KIF3A: variants seen among roughly 807,000 people sequenced by gnomAD.
The protein encoded by KIF3A is kinesin-like protein KIF3A.
In KIF3A, 27 loss-of-function variants were observed where a neutral mutation model predicts 92.6. The observed-to-expected ratio is 0.29, with a 90% CI of 0.21 to 0.40. KIF3A has a LOEUF of 0.40. KIF3A is among the 10% of genes least tolerant of loss of function. The probability of loss-of-function intolerance (pLI) is 1.00; values close to 1 mark genes in which losing one functional copy is unlikely to be tolerated. For synonymous variants in KIF3A, 250 were observed against 275.4 expected, an observed-to-expected ratio of 0.91 and a Z score of 0.92; for missense variants, 581 against 872.6, an observed-to-expected ratio of 0.67 and a Z score of 4.21.
chr5:132,703,153 C>A, intron 12 of KIF3A, 88 bp from the exon 13 acceptor site: 1 of 1,130,418 alleles, frequency 8.8e-7, no homozygotes, highest in Non-Finnish European at 1.3e-6. Flanking sequence ...TTTGGATATA[C>A]AATTTCAAAA....
chr5:132,708,640 C>T (rs1753308775), intron 10 of KIF3A, among the ~76,000 whole-genome samples: 1 of 152,322 alleles, frequency 6.6e-6, no homozygotes, highest in South Asian at 2.1e-4. Flanking sequence ...ATACAGCTTA[C>T]TAGCTCTCTT....
At chr5:132,727,635 G>A (rs1000674505) in intron 2 of KIF3A, among the ~76,000 whole-genome samples, 12 of 152,176 alleles carry the variant, frequency 7.9e-5, no homozygotes, top group Admixed American at 7.9e-4. Flanking sequence ...GTATAATAAG[G>A]ACGGTATTAA....
intron 11 of KIF3A, among the ~76,000 whole-genome samples, chr5:132,704,056 T>A (rs1403734417): frequency 6.6e-6 from 1 of 151,876 alleles, no homozygotes; most frequent in Non-Finnish European, 1.5e-5. Flanking sequence ...CAAGTTCACA[T>A]AAAACAAGTG....
At position 132,696,695 on chromosome 5, in the gene KIF3A, G is replaced by GA. The variant is rs1405894749; in HGVS notation, c.2133-14dup. ...TGCAGAACGCTTTCTGTTTGGAGAAGAAAAAAAGCAATCATGAATGCTTTC... is the reference window on the plus strand; with the variant it reads ...TGCAGAACGCTTTCTGTTTGGAGAAGAAAAAAAAGCAATCATGAATGCTTTC... On this transcript the variant is annotated splice_polypyrimidine_tract_variant and intron_variant, in intron 18 of 18. Coordinates refer to ENST00000403231, the MANE Select transcript of KIF3A (RefSeq NM_001300791.2). 4.4e-6 allele frequency: 7 copies of GA among 1,599,658 alleles called. No individual in the cohort carries two copies. The African/African-American group carries it at 6.7e-5, about 15-fold the overall frequency.
At chr5:132,708,282 A>C (rs1401395704) in intron 10 of KIF3A, among the ~76,000 whole-genome samples, 3 of 123,184 alleles carry the variant, frequency 2.4e-5, no homozygotes, top group African/African-American at 1.3e-4. Flanking sequence ...ACTCCGTCTC[A>C]AAAAAAAAAA....
intron 17 of KIF3A, chr5:132,699,557 C>A: frequency 4.1e-6 from 2 of 493,226 alleles, no homozygotes; most frequent in East Asian, 5.4e-5. Flanking sequence ...CCCTCTTCTT[C>A]TTCTTTTTTT....
intron 17 of KIF3A, 138 bp from the exon 18 acceptor site, chr5:132,699,433 T>A: frequency 1.3e-5 from 10 of 782,724 alleles, no homozygotes; most frequent in Non-Finnish European, 2.1e-5. Flanking sequence ...AATGACATCA[T>A]CTTCTAATCC....
intron 9 of KIF3A, 26 bp from the exon 10 acceptor site, chr5:132,709,004 C>A (rs1194245796): frequency 1.3e-6 from 2 of 1,511,452 alleles, no homozygotes; most frequent in Non-Finnish European, 1.8e-6. Flanking sequence ...ATGAGCCCAA[C>A]AGGAACCAAA....
In KIF3A at chr5:132,706,588, T is replaced by C. The variant is rs1753220517; in HGVS notation, c.1301-129A>G. ...ATATATAATAGCATTCATTTAAGTG[T>C]AGAAATAAAAATCAAACCGTTATCA... On this transcript the variant is annotated intron_variant, in intron 10 of 18. Coordinates refer to ENST00000403231, the MANE Select transcript of KIF3A (RefSeq NM_001300791.2). 3 of 642,846 alleles carry C rather than the reference T, an allele frequency of 4.7e-6. No homozygotes were observed. In the South Asian group the frequency reaches 1.1e-4, roughly 23 times the overall value. 39.8% of individuals were successfully genotyped at this position (642,846 alleles called of 1,614,324 possible).
At chr5:132,736,096 G>A (rs577983800) in intron 1 of KIF3A, among the ~76,000 whole-genome samples, 3 of 152,342 alleles carry the variant, frequency 2.0e-5, no homozygotes, top group South Asian at 4.1e-4. Flanking sequence ...TAGGCTCAGA[G>A]AGCACCCTGC....
chr5:132,700,935 G>C (rs1469237191), intron 15 of KIF3A, among the ~76,000 whole-genome samples: 1 of 152,148 alleles, frequency 6.6e-6, no homozygotes, highest in Non-Finnish European at 1.5e-5. Flanking sequence ...TCAAGATAAT[G>C]ATTACCTTGG....
At position 132,715,950 on chromosome 5, in the gene KIF3A, GAAAC is replaced by G. The variant is rs1753606485; in HGVS notation, c.955-23_955-20del. 5 of 1,514,882 alleles carry G rather than the reference GAAAC, an allele frequency of 3.3e-6. No homozygotes were observed. Among genetic ancestry groups the G allele is most frequent in the Non-Finnish European group, 4.5e-6 (5 of 1,115,670 alleles). 93.8% of individuals were successfully genotyped at this position (1,514,882 alleles called of 1,614,324 possible). ...TTGCACACTATTGAATTAGAAATATGAAACAAATCATTTTACACTTGACAGAGTT... is the reference window on the plus strand; with the variant it reads ...TTGCACACTATTGAATTAGAAATATGAAATCATTTTACACTTGACAGAGTT... On this transcript the variant is annotated intron_variant, in intron 7 of 18. Coordinates refer to ENST00000403231, the MANE Select transcript of KIF3A (RefSeq NM_001300791.2).
At chr5:132,717,991 G>C (rs898823241) in intron 5 of KIF3A, among the ~76,000 whole-genome samples, 122 of 151,910 alleles carry the variant, frequency 8.0e-4, no homozygotes, top group African/African-American at 2.8e-3. Flanking sequence ...ACATATTTCT[G>C]GTATTTGTTT....
chr5:132,703,730 C>T, intron 11 of KIF3A, 111 bp from the exon 12 acceptor site: 1 of 674,104 alleles, frequency 1.5e-6, no homozygotes, highest in South Asian at 2.4e-5. Flanking sequence ...AATACAAAAC[C>T]AATTATCAAT....
In KIF3A at chr5:132,702,564, C is replaced by T; in HGVS notation, c.1752G>A (p.Lys584=). 1 of 1,597,068 alleles carries T rather than the reference C, an allele frequency of 6.3e-7. No individual in the cohort carries two copies. ...KKVWTMLMAA[K]SEMADLQQEH... ...AATTTCTAAGAGAACCAACCTCTGA[C>T]TTTGCAGCCATCAGCATAGTCCAAA... Residue 584 remains lysine, a synonymous_variant, in exon 14 of 19, where the codon AAG becomes AAA. Transcript: ENST00000403231.
At chr5:132,716,223 T>C (rs746660848) in intron 7 of KIF3A, 22 bp downstream of exon 7, 1 of 1,561,068 alleles carries the variant, frequency 6.4e-7, no homozygotes, top group South Asian at 1.1e-5. Context: ...TGATGTTAAC[T>C]ATATCACCAA....
At chr5:132,718,674 T>A (rs371894006) in intron 5 of KIF3A, among the ~76,000 whole-genome samples, 1 of 152,144 alleles carries the variant, frequency 6.6e-6, no homozygotes, top group Non-Finnish European at 1.5e-5. Context: ...TTGCCCAGGC[T>A]GGAGTTCAGT....
chr5:132,706,430 G>A (rs1389795530), intron 11 of KIF3A, 21 bp downstream of exon 11: 9 of 1,530,614 alleles, frequency 5.9e-6, no homozygotes, highest in Middle Eastern at 1.7e-4. Context: ...ACCATGTGGA[G>A]TGCAAATCAA....
At chr5:132,710,905 C>T (rs1273614371) in intron 9 of KIF3A, 54 bp downstream of exon 9, 15 of 1,612,230 alleles carry the variant, frequency 9.3e-6, no homozygotes, top group East Asian at 4.5e-5. Context: ...ATGCACTCTA[C>T]CACCTTGTGA....
Sources: gnomAD v4.1 joint callset for allele counts (sites outside exome capture counted in the v4.1 genomes callset) on GRCh38, gnomAD v4.1.1 for gene constraint, MANE v1.5 for transcripts, NCBI Gene and HGNC (gene_info 2026-07-23, HGNC 2026-07-21) for gene names.